The following LPIN2 variants were observed in gnomAD, a reference collection of about 807,000 sequenced individuals.
LPIN2 encodes phosphatidate phosphatase LPIN2.
LPIN2 carries 55 observed loss-of-function variants against 111.4 expected under a neutral mutation model. The ratio of observed to expected loss-of-function variants is 0.49; its 90% CI spans 0.40 to 0.62. The LOEUF (loss-of-function observed/expected upper bound fraction) is 0.62. Among genes scored for constraint, LPIN2 ranks in the 20% least tolerant of loss-of-function variants. The probability of loss-of-function intolerance (pLI) is 0.00; values close to 1 mark genes in which losing one functional copy is unlikely to be tolerated. For synonymous variants in LPIN2, 425 were observed against 414.0 expected (o/e 1.03, Z -0.32); for missense variants, 992 against 1,112.1 (o/e 0.89, Z 1.54).
In LPIN2 at chr18:2,951,292, A is replaced by C; in HGVS notation, c.353T>G (p.Ile118Ser). Residue 118 changes from isoleucine to serine, a missense_variant, in exon 4 of 20, where the codon ATT becomes AGT. Coordinates refer to ENST00000677752, the MANE Select transcript of LPIN2 (RefSeq NM_001375808.2). The stretch of plus-strand genomic sequence containing the variant: ...ACCCGATTTCACCAAAGGGGTGTCA[A>C]TATCTTTAAAGAACTGATCTTCAGT... ...IPTEDQFFKD[I>S]DTPLVKSGGD... The C allele has an allele frequency of 1.2e-6, 2 of 1,614,132 alleles. 1 individual carries two copies. The highest frequency in any genetic ancestry group is 2.2e-5 in the South Asian group (2 of 91,078).
At chr18:2,923,697 G>C in intron 16 of LPIN2, 78 bp downstream of exon 16, 4 of 1,182,782 alleles carry the variant, frequency 3.4e-6, no homozygotes, top group Non-Finnish European at 5.1e-6. Flanking sequence ...GTGGACTGAA[G>C]ACTTACACCA....
chr18:2,926,065 C>T (rs957552653), intron 13 of LPIN2, among the ~76,000 whole-genome samples: 4 of 152,070 alleles, frequency 2.6e-5, no homozygotes, highest in Non-Finnish European at 4.4e-5. Context: ...TTGTATGAGC[C>T]GAGGAGCTAT....
At chr18:3,007,002 T>TAAA (rs577110033) in intron 1 of LPIN2, among the ~76,000 whole-genome samples, 72 of 142,886 alleles carry the variant, frequency 5.0e-4, no homozygotes, top group Middle Eastern at 3.6e-3. Flanking sequence ...CTTGTCTCTT[T>TAAA]AAAAAAAAAA....
intron 4 of LPIN2, 59 bp downstream of exon 4, chr18:2,950,996 C>T: frequency 6.3e-7 from 1 of 1,597,286 alleles, no homozygotes; most frequent in Non-Finnish European, 8.6e-7. Flanking sequence ...CTGGCAGCTC[C>T]TGGCTTCACA....
Position 2,934,414 on chromosome 18 carries a change from T to C in LPIN2, c.1205A>G (p.Asp402Gly). 6.2e-7 allele frequency: 1 copy of C among 1,613,780 alleles called. No homozygotes were observed. Among genetic ancestry groups the C allele is most frequent in the African/African-American group, 1.3e-5 (1 of 75,006 alleles). Residue 402 changes from aspartate (D) to glycine (G), a missense_variant, in exon 8 of 20, where the codon GAT (aspartate) becomes GGT (glycine). Around this residue, in one of 4 missense-constraint regions of LPIN2, gnomAD observed 709 missense variants for 753.2 expected, o/e 0.94. Coordinates refer to ENST00000677752, the MANE Select transcript of LPIN2 (RefSeq NM_001375808.2). Reference sequence around the variant, plus strand: ...ACCCTTTAAGTCATCAAGGTAAATATCATCAGGTCCCTGGTGTTGGCTTCT... The same window carrying C: ...ACCCTTTAAGTCATCAAGGTAAATACCATCAGGTCCCTGGTGTTGGCTTCT... ...HKRSQHQGPD[D>G]IYLDDLKGLE...
In LPIN2 at chr18:2,918,708, G is replaced by C. The variant is rs528830486; in HGVS notation, c.*1585C>G. ...GGATTTCAACATTGTCTCTGCATCC[G>C]ACAAGCACTAGGAAAATGGCTGAAA... is the stretch of plus-strand genomic sequence containing the variant. On this transcript the variant is annotated 3_prime_UTR_variant, in exon 20 of 20. Transcript: ENST00000677752. The C allele has an allele frequency of 6.6e-6, 1 of 152,152 alleles. No homozygotes were observed. Among genetic ancestry groups the C allele is most frequent in the Non-Finnish European group, 1.5e-5 (1 of 68,042 alleles). 9.4% of individuals were successfully genotyped at this position (152,152 alleles called of 1,614,324 possible).
chr18:3,009,243 C>CA (rs1431551781), intron 1 of LPIN2, among the ~76,000 whole-genome samples: 1 of 151,510 alleles, frequency 6.6e-6, no homozygotes, highest in East Asian at 2.0e-4. Flanking sequence ...CCTAAAAATA[C>CA]AAAAAATTAG....
chr18:2,947,864 A>T (rs2077478386), intron 4 of LPIN2, among the ~76,000 whole-genome samples: 1 of 152,162 alleles, frequency 6.6e-6, no homozygotes, highest in African/African-American at 2.4e-5. Flanking sequence ...ATATGCTGTT[A>T]ATGACCGTAA....
At chr18:2,922,988 T>G (rs925483398) in intron 16 of LPIN2, among the ~76,000 whole-genome samples, 2 of 152,194 alleles carry the variant, frequency 1.3e-5, no homozygotes, top group African/African-American at 4.8e-5. Flanking sequence ...CTGAGATTCT[T>G]CAGATCAATG....
rs1166966219 is a variant in LPIN2 at position 2,917,679 on chromosome 18, T to G, written c.*2614A>C. On this transcript the variant is annotated 3_prime_UTR_variant, in exon 20 of 20. Transcript: ENST00000677752. ...ACAGTACCCAAAAACGGAGGCAGCC[T>G]GCATGCTCCAGGTCTACACGAGCAC... 6.6e-6 allele frequency: 1 copy of G among 151,818 alleles called. No homozygotes were observed. Among genetic ancestry groups the G allele is most frequent in the African/African-American group, 2.4e-5 (1 of 40,940 alleles). 9.4% of individuals were successfully genotyped at this position (151,818 alleles called of 1,614,324 possible). A position where few individuals can be genotyped will look rare whatever the true frequency, so the allele number is the denominator to read the frequency against.
chr18:3,009,504 T>C (rs1029437169), intron 1 of LPIN2, among the ~76,000 whole-genome samples: 2 of 151,798 alleles, frequency 1.3e-5, no homozygotes, highest in African/African-American at 4.8e-5. Context: ...AGTGACACAA[T>C]CTCGGCTCAC....
intron 1 of LPIN2, among the ~76,000 whole-genome samples, chr18:3,007,379 G>T (rs1202855616): frequency 2.6e-5 from 4 of 152,164 alleles, no homozygotes; most frequent in Non-Finnish European, 5.9e-5. Context: ...CACTGTGTTA[G>T]CCAGGATGGT....
At chr18:2,951,722 C>A (rs1339047433) in intron 3 of LPIN2, among the ~76,000 whole-genome samples, 3 of 152,162 alleles carry the variant, frequency 2.0e-5, no homozygotes. Flanking sequence ...AGGACTCTCT[C>A]AAGAACTCAC....
At position 2,925,257 on chromosome 18, in the gene LPIN2, A is replaced by T; in HGVS notation, c.1905T>A (p.Tyr635Ter). The T allele has an allele frequency of 6.2e-7, 1 of 1,614,188 alleles. No individual in the cohort carries two copies. The highest frequency in any genetic ancestry group is 8.5e-7 in the Non-Finnish European group (1 of 1,180,030). The part of the protein sequence containing the change: ...EPLSHGSTTS[Y>*]KKSLRLSSDQ... ...CTGAGGAGAGGCGGAGAGACTTCTT[A>T]TATGAAGTTGTGCTGCCGTGGCTCA... Residue 635 changes from tyrosine (Y) to a stop codon, truncating the protein, a stop_gained, in exon 14 of 20, where the codon TAT (tyrosine) becomes TAA (stop). Coordinates refer to ENST00000677752, the MANE Select transcript of LPIN2 (RefSeq NM_001375808.2). LOFTEE classifies it high-confidence loss of function. This position sits in a 1 kb window ranked among gnomAD's most constrained non-coding sequence, Gnocchi z 4.1.
At chr18:2,929,195 T>TTATGTAATCTCTA in intron 9 of LPIN2, 37 bp from the exon 10 acceptor site, 2 of 1,240,146 alleles carry the variant, frequency 1.6e-6, no homozygotes, top group Non-Finnish European at 2.4e-6. Context: ...GGTTAGAGAT[T>TTATGTAATCTCTA]ACATAAATCC....
At chr18:2,923,662 G>A in intron 16 of LPIN2, 113 bp downstream of exon 16, 1 of 917,250 alleles carries the variant, frequency 1.1e-6, no homozygotes, top group Non-Finnish European at 1.8e-6. Flanking sequence ...GAGCGGGAAT[G>A]CTTCAGCATA....
chr18:3,003,975 G>C (rs577129806), intron 1 of LPIN2, among the ~76,000 whole-genome samples: 57 of 151,888 alleles, frequency 3.8e-4, no homozygotes, highest in Non-Finnish European at 6.3e-4. Context: ...ATGCATTCCT[G>C]GGGGGAGGTC....
In LPIN2 at chr18:2,996,995, C is replaced by CTTTTT. The variant is rs56073904; in HGVS notation, c.-10+16091_-10+16092insAAAAA. 1.6e-4 allele frequency among the ~76,000 whole-genome samples: 24 copies of CTTTTT among 150,904 alleles called. No individual in the cohort carries two copies. The East Asian group carries it at 2.2e-3, about 14-fold the overall frequency. ...TTTGGAGGCTTGTATTTTTCTTTTTCTTTTGAGACAGAGTCTCACTCCCTC... is the reference window on the plus strand; with the variant it reads ...TTTGGAGGCTTGTATTTTTCTTTTTCTTTTTTTTTGAGACAGAGTCTCACTCCCTC... On this transcript the variant is annotated intron_variant, in intron 1 of 19. Transcript: ENST00000677752.
In LPIN2 at chr18:2,975,743, C is replaced by A. The variant is rs139903628; in HGVS notation, c.-9-14894G>T. On this transcript the variant is annotated intron_variant, in intron 1 of 19. Coordinates refer to ENST00000677752, the MANE Select transcript of LPIN2 (RefSeq NM_001375808.2). The stretch of plus-strand genomic sequence containing the variant: ...TTGTGTAGTAAACCTATTTTGGTGG[C>A]GACTATTGATAACCATAAGCAACTC... Among the ~76,000 whole-genome samples the A allele has an allele frequency of 8.8e-3, 1,343 of 152,188 alleles. 6 individuals are homozygous for A. Among genetic ancestry groups the A allele is most frequent in the Non-Finnish European group, 0.012 (823 of 68,006 alleles).
Sources: allele counts gnomAD v4.1 joint callset (sites outside exome capture counted in the v4.1 genomes callset), GRCh38; gene constraint gnomAD v4.1.1; regional missense constraint gnomAD v4.1.1; non-coding constraint Gnocchi (gnomAD v3.1); transcripts MANE v1.5; gene names NCBI Gene and HGNC (gene_info 2026-07-23, HGNC 2026-07-21).